Variants in PRRC1 observed in about 807,000 individuals in gnomAD.
The protein encoded by PRRC1 is protein PRRC1.
In PRRC1, 39 loss-of-function variants were observed where a neutral mutation model predicts 40.7. The ratio of observed to expected loss-of-function variants is 0.96; its 90% CI spans 0.74 to 1.25. The LOEUF (loss-of-function observed/expected upper bound fraction) is 1.25, where lower values mean the gene tolerates loss of function less well. Ranked by LOEUF, PRRC1 falls within the 50% of genes most tolerant of loss-of-function variation. The pLI is 0.00. For missense variants in PRRC1, 573 were observed against 548.3 expected (o/e 1.05, Z -0.45); for synonymous variants, 175 against 193.3 (o/e 0.91, Z 0.79).
At chr5:127,549,425 T>C (rs1768313787) in intron 8 of PRRC1, 1 of 152,142 alleles carries the variant, frequency 6.6e-6, no homozygotes, top group African/African-American at 2.4e-5. Flanking sequence ...AACAGCAGAA[T>C]GGTTCAACAA....
intron 2 of PRRC1, 104 bp downstream of exon 2, chr5:127,523,686 CTA>C: frequency 5.5e-6 from 3 of 543,118 alleles, no homozygotes; most frequent in East Asian, 3.2e-5. Context: ...TAAAACTTCT[CTA>C]TTATTTTTCA....
chr5:127,546,812 AATAC>A (rs1437852300), intron 7 of PRRC1, among the ~76,000 whole-genome samples: 1 of 152,204 alleles, frequency 6.6e-6, no homozygotes, highest in Non-Finnish European at 1.5e-5. Context: ...AGGCTTCACA[AATAC>A]ATTATCTTGA....
At chr5:127,524,494 C>A in intron 2 of PRRC1, 37 bp from the exon 3 acceptor site, 1 of 1,537,882 alleles carries the variant, frequency 6.5e-7, no homozygotes, top group South Asian at 1.3e-5. Context: ...AAAAACATTT[C>A]TAATTCTGTG....
At chr5:127,520,559 C>T (rs1185520597) in intron 1 of PRRC1, among the ~76,000 whole-genome samples, 1 of 152,060 alleles carries the variant, frequency 6.6e-6, no homozygotes, top group Non-Finnish European at 1.5e-5. Flanking sequence ...AAGCCAACTT[C>T]AAAAGGTTAT....
intron 7 of PRRC1, among the ~76,000 whole-genome samples, chr5:127,544,585 C>T (rs988714313): frequency 2.0e-5 from 3 of 152,240 alleles, no homozygotes; most frequent in Non-Finnish European, 2.9e-5. Context: ...TGGGCAATGG[C>T]GGGCGCCCCT....
chr5:127,523,324 A>G (rs1416646950), intron 1 of PRRC1, 136 bp from the exon 2 acceptor site: 1 of 475,720 alleles, frequency 2.1e-6, no homozygotes, highest in Non-Finnish European at 3.7e-6. Context: ...CTTCGTCTGG[A>G]AATAAGTTGC....
chr5:127,531,803 C>T (rs983246627), intron 5 of PRRC1, among the ~76,000 whole-genome samples: 5 of 150,740 alleles, frequency 3.3e-5, no homozygotes, highest in East Asian at 2.0e-4. Context: ...TTGGTAGAGA[C>T]GGGGTTTCTC....
chr5:127,525,001 A>G, intron 3 of PRRC1, 81 bp downstream of exon 3: 4 of 1,325,728 alleles, frequency 3.0e-6, no homozygotes, highest in Non-Finnish European at 3.1e-6. Flanking sequence ...TTGTTGAGAT[A>G]TAATTTATGT....
At position 127,552,119 on chromosome 5, in the gene PRRC1, C is replaced by A; in HGVS notation, c.*203C>A. 1 of 1,390,396 alleles carries A rather than the reference C, an allele frequency of 7.2e-7. No individual in the cohort carries two copies. The allele number at this position is 1,390,396 out of a possible 1,614,324, so 86.1% of individuals were successfully genotyped here. ...AAACAAATCCTTTTTATAGTCATAC[C>A]ATTTCACCTATCATAGTACTCAAAA... On this transcript the variant is annotated 3_prime_UTR_variant, in exon 9 of 9. Transcript: ENST00000296666.
chr5:127,553,356 G>A lies in PRRC1; in HGVS notation c.*1440G>A, dbSNP rs2127123306. 1 of 989,248 alleles carries A rather than the reference G, an allele frequency of 1.0e-6. No homozygotes were observed. Among genetic ancestry groups the A allele is most frequent in the South Asian group, 4.6e-5 (1 of 21,606 alleles). 61.3% of individuals were successfully genotyped at this position (989,248 alleles called of 1,614,324 possible). A position where few individuals can be genotyped will look rare whatever the true frequency, so the allele number is the denominator to read the frequency against. On this transcript the variant is annotated 3_prime_UTR_variant, in exon 9 of 9. Transcript: ENST00000296666. ...ATATTAAATATATGTTACTTTCCAA[G>A]CACTGTATAATGACTGTTCAGTGAA...
In PRRC1 at chr5:127,523,475, G is replaced by A; in HGVS notation, c.-5G>A. 6.3e-7 allele frequency: 1 copy of A among 1,581,714 alleles called. No individual in the cohort carries two copies. Among genetic ancestry groups the A allele is most frequent in the Non-Finnish European group, 8.6e-7 (1 of 1,162,880 alleles). Reference sequence around the variant, plus strand: ...GTTTTTATAGTATACCATAATTGAAGAAAAATGATGGAAGAGAGTGGAATA... The same window carrying A: ...GTTTTTATAGTATACCATAATTGAAAAAAAATGATGGAAGAGAGTGGAATA... On this transcript the variant is annotated 5_prime_UTR_variant, in exon 2 of 9. Coordinates refer to ENST00000296666, the MANE Select transcript of PRRC1 (RefSeq NM_130809.5).
chr5:127,551,448 A>G (rs1768378593), intron 8 of PRRC1: 1 of 410,660 alleles, frequency 2.4e-6, no homozygotes, highest in African/African-American at 2.0e-5. Flanking sequence ...AGTGACACTT[A>G]ATTTAGAACT....
chr5:127,552,066 G>A lies in PRRC1; in HGVS notation c.*150G>A, dbSNP rs1768406562. 2.1e-6 allele frequency: 3 copies of A among 1,438,444 alleles called. No homozygotes were observed. In the South Asian group the frequency reaches 4.6e-5, roughly 22 times the overall value. 89.1% of individuals were successfully genotyped at this position (1,438,444 alleles called of 1,614,324 possible). On this transcript the variant is annotated 3_prime_UTR_variant, in exon 9 of 9. Coordinates refer to ENST00000296666, the MANE Select transcript of PRRC1 (RefSeq NM_130809.5). Reference sequence around the variant, plus strand: ...CTGCAATTTTTCTTTCTCTAGAAAGGCATCATGTCATTCCAGGAGACAAAA... The same window carrying A: ...CTGCAATTTTTCTTTCTCTAGAAAGACATCATGTCATTCCAGGAGACAAAA...
chr5:127,523,390 C>A lies in PRRC1; in HGVS notation c.-20-70C>A, dbSNP rs534251115. Reference sequence around the variant, plus strand: ...CTTGATGATTTTTTTTTTAGTCGTTCTCTATTCAAGCTTTAAAAATATACT... The same window carrying A: ...CTTGATGATTTTTTTTTTAGTCGTTATCTATTCAAGCTTTAAAAATATACT... On this transcript the variant is annotated intron_variant, in intron 1 of 8. Transcript: ENST00000296666. 173 of 623,394 alleles carry A rather than the reference C, an allele frequency of 2.8e-4. No homozygotes were observed. In the African/African-American group the frequency reaches 3.2e-3, roughly 11 times the overall value. The allele number at this position is 623,394 out of a possible 1,614,324, so 38.6% of individuals were successfully genotyped here. A position where few individuals can be genotyped will look rare whatever the true frequency, so the allele number is the denominator to read the frequency against.
At chr5:127,525,404 C>T (rs1346501713) in intron 3 of PRRC1, among the ~76,000 whole-genome samples, 1 of 152,196 alleles carries the variant, frequency 6.6e-6, no homozygotes, top group Non-Finnish European at 1.5e-5. Flanking sequence ...ATGTATACCA[C>T]ATTTCATTTA....
intron 1 of PRRC1, among the ~76,000 whole-genome samples, 200 bp from the exon 2 acceptor site, chr5:127,523,260 T>C (rs1025939960): frequency 1.3e-5 from 2 of 152,266 alleles, no homozygotes; most frequent in African/African-American, 4.8e-5. Context: ...ATGTTACAGA[T>C]TGTTTGATAT....
intron 7 of PRRC1, among the ~76,000 whole-genome samples, chr5:127,544,647 A>C (rs1768160193): frequency 6.6e-6 from 1 of 152,222 alleles, no homozygotes; most frequent in Admixed American, 6.5e-5. Flanking sequence ...CTGTGCCAGC[A>C]ATCAGCGGGA....
intron 8 of PRRC1, 30 bp from the exon 9 acceptor site, chr5:127,551,677 A>G (rs374650923): frequency 1.5e-5 from 24 of 1,599,170 alleles, no homozygotes; most frequent in South Asian, 8.8e-5. Flanking sequence ...TAAATGTATT[A>G]TAAGTAATAT....
In PRRC1 at chr5:127,553,271, C is replaced by G; in HGVS notation, c.*1355C>G. The G allele has an allele frequency of 1.0e-6, 1 of 987,196 alleles. No individual in the cohort carries two copies. Among genetic ancestry groups the G allele is most frequent in the Non-Finnish European group, 1.2e-6 (1 of 831,314 alleles). The allele number at this position is 987,196 out of a possible 1,614,324, so 61.2% of individuals were successfully genotyped here. On this transcript the variant is annotated 3_prime_UTR_variant, in exon 9 of 9. Transcript: ENST00000296666. ...GCTTTGTGTTAATGCCACTTCAAGT[C>G]ATTATTTGGTTTCTGCTATTTTTTT...
Sources: gnomAD v4.1 joint callset for allele counts (sites outside exome capture counted in the v4.1 genomes callset) on GRCh38, gnomAD v4.1.1 for gene constraint, MANE v1.5 for transcripts, NCBI Gene and HGNC (gene_info 2026-07-23, HGNC 2026-07-21) for gene names.